Variants in ATG13 observed in about 807,000 individuals in gnomAD.
ATG13 encodes the protein autophagy-related protein 13.
ATG13 carries 23 observed loss-of-function variants against 65.5 expected under a neutral mutation model. The observed-to-expected ratio is 0.35, with a 90% CI of 0.25 to 0.50. ATG13 has a LOEUF of 0.50. Among genes scored for constraint, ATG13 ranks in the 20% least tolerant of loss-of-function variants. The pLI is 0.98. For synonymous variants in ATG13, 252 were observed against 245.2 expected (o/e 1.03, Z -0.26); for missense variants, 566 against 677.0 (o/e 0.84, Z 1.82).
At chr11:46,657,408 T>C in intron 9 of ATG13, 116 bp from the exon 10 acceptor site, 2 of 1,071,586 alleles carry the variant, frequency 1.9e-6, no homozygotes, top group Admixed American at 1.9e-5. Context: ...GGGATTGTGA[T>C]AGTTAAAGCT....
chr11:46,662,157 A>G (rs1355033985), intron 11 of ATG13, among the ~76,000 whole-genome samples: 1 of 152,230 alleles, frequency 6.6e-6, no homozygotes, highest in Non-Finnish European at 1.5e-5. Context: ...GCACATTAAT[A>G]GAAGCAGGGT....
Position 46,659,430 on chromosome 11 carries a change from T to C in ATG13, c.734T>C (p.Val245Ala), listed in dbSNP as rs775274012. The C allele has an allele frequency of 6.2e-7, 1 of 1,614,138 alleles. No individual in the cohort carries two copies. The highest frequency in any genetic ancestry group is 1.1e-5 in the South Asian group (1 of 91,086). Reference protein sequence around the residue: ...GEDTGVIYPSVEDSQEVCTTS... With the variant: ...GEDTGVIYPSAEDSQEVCTTS... ...GACACTGGAGTAATATACCCGTCTG[T>C]AGAAGACTCTCAAGAAGTGTGTACC... Residue 245 changes from valine (V) to alanine (A), a missense_variant, in exon 11 of 19, where the codon GTA becomes GCA. Physicochemically the swap from Val to Ala is moderately conservative, Grantham distance 64. Transcript: ENST00000683050.
At chr11:46,657,237 A>G (rs773712767) in intron 9 of ATG13, 46 bp downstream of exon 9, 3 of 1,543,612 alleles carry the variant, frequency 1.9e-6, no homozygotes, top group Admixed American at 1.7e-5. Flanking sequence ...CGAAAATGTT[A>G]AAGTTTTTTT....
chr11:46,644,194 G>C, intron 2 of ATG13, 85 bp from the exon 3 acceptor site: 1 of 1,049,246 alleles, frequency 9.5e-7, no homozygotes, highest in East Asian at 2.7e-5. Flanking sequence ...TCCTAGGCTA[G>C]TAGACAATAC....
intron 14 of ATG13, among the ~76,000 whole-genome samples, chr11:46,666,562 T>G (rs2062406311): frequency 6.6e-6 from 1 of 152,182 alleles, no homozygotes; most frequent in South Asian, 2.1e-4. Flanking sequence ...GAAGTGAACG[T>G]TCTCATATTT....
chr11:46,662,383 TTGTC>T (rs2061385620), intron 11 of ATG13, among the ~76,000 whole-genome samples: 1 of 152,228 alleles, frequency 6.6e-6, no homozygotes, highest in African/African-American at 2.4e-5. Context: ...CCAAATCAGT[TTGTC>T]TGTTTCCCTG....
intron 18 of ATG13, 103 bp downstream of exon 18, chr11:46,669,635 A>G: frequency 2.3e-6 from 3 of 1,317,854 alleles, no homozygotes; most frequent in Non-Finnish European, 3.2e-6. Flanking sequence ...CTGTAATAGG[A>G]AAGAGACATA....
chr11:46,642,600 T>C (rs1278124757), intron 2 of ATG13, among the ~76,000 whole-genome samples: 7 of 152,198 alleles, frequency 4.6e-5, no homozygotes, highest in Admixed American at 2.0e-4. Context: ...CCACCGTGCC[T>C]GGCCTTCAGC....
intron 2 of ATG13, among the ~76,000 whole-genome samples, chr11:46,641,389 T>A (rs2055960492): frequency 6.6e-6 from 1 of 152,154 alleles, no homozygotes; most frequent in African/African-American, 2.4e-5. Flanking sequence ...TTTTTAATAT[T>A]ACGTTATATT....
intron 14 of ATG13, among the ~76,000 whole-genome samples, chr11:46,666,224 G>T (rs958366447): frequency 1.3e-5 from 2 of 152,116 alleles, no homozygotes; most frequent in African/African-American, 4.8e-5. Flanking sequence ...CAGTACCAAC[G>T]GGAAACAGCA....
intron 1 of ATG13, among the ~76,000 whole-genome samples, chr11:46,621,564 T>C (rs565683000): frequency 6.6e-6 from 1 of 152,182 alleles, no homozygotes; most frequent in Non-Finnish European, 1.5e-5. Context: ...TCCTTATGCA[T>C]GTAGGTAGTT....
intron 1 of ATG13, among the ~76,000 whole-genome samples, chr11:46,621,482 T>A (rs893390246): frequency 5.3e-5 from 8 of 152,216 alleles, no homozygotes; most frequent in Non-Finnish European, 7.3e-5. Flanking sequence ...CTATTCAGTC[T>A]TGTTTCTACC....
chr11:46,668,389 C>T (rs2062878952), intron 15 of ATG13, 110 bp from the exon 16 acceptor site: 1 of 1,086,750 alleles, frequency 9.2e-7, no homozygotes, highest in Non-Finnish European at 1.4e-6. Context: ...GCAGCATGGT[C>T]AGCATAGCTG....
intron 2 of ATG13, among the ~76,000 whole-genome samples, chr11:46,633,024 A>ATTTTTT (rs1459397049): frequency 1.0e-5 from 1 of 99,866 alleles, no homozygotes; most frequent in African/African-American, 6.3e-5. Flanking sequence ...ATATATATAT[A>ATTTTTT]TATTTTTTTT....
chr11:46,665,081 T>G (rs904325181), intron 13 of ATG13, 122 bp downstream of exon 13: 2 of 1,044,394 alleles, frequency 1.9e-6, no homozygotes, highest in Non-Finnish European at 1.4e-6. Flanking sequence ...AGCAAAACTC[T>G]TTCGTGACTT....
At chr11:46,652,226 T>TG (rs1185131557) in intron 7 of ATG13, among the ~76,000 whole-genome samples, 1 of 151,838 alleles carries the variant, frequency 6.6e-6, no homozygotes, top group Non-Finnish European at 1.5e-5. Context: ...CCAGCCTGGG[T>TG]GACAGGGCTA....
At chr11:46,622,580 T>A (rs551388105) in intron 1 of ATG13, among the ~76,000 whole-genome samples, 1 of 152,254 alleles carries the variant, frequency 6.6e-6, no homozygotes, top group East Asian at 1.9e-4. Flanking sequence ...GTAAGTCCAT[T>A]TTCTCTGTAC....
At chr11:46,622,447 TTTG>T (rs1485211194) in intron 1 of ATG13, among the ~76,000 whole-genome samples, 1 of 152,150 alleles carries the variant, frequency 6.6e-6, no homozygotes, top group African/African-American at 2.4e-5. Context: ...TAAATAATTT[TTTG>T]TTGTTTAAAA....
chr11:46,631,985 G>A (rs1452184140), intron 2 of ATG13, among the ~76,000 whole-genome samples: 1 of 152,182 alleles, frequency 6.6e-6, no homozygotes, highest in Non-Finnish European at 1.5e-5. Context: ...CAAAAGTGAT[G>A]TGCAGAGATG....
Sources: allele counts gnomAD v4.1 joint callset (sites outside exome capture counted in the v4.1 genomes callset), GRCh38; gene constraint gnomAD v4.1.1; transcripts MANE v1.5; gene names NCBI Gene and HGNC (gene_info 2026-07-23, HGNC 2026-07-21).